The following CRTAP variants were observed in gnomAD, a reference collection of about 807,000 sequenced individuals.
CRTAP encodes the protein cartilage-associated protein.
In CRTAP, 33 loss-of-function variants were observed where a neutral mutation model predicts 42.7. That is an observed-to-expected ratio of 0.77 (90% confidence interval 0.59 to 1.03). The LOEUF is 1.03. Among genes scored for constraint, CRTAP ranks in the 50% least tolerant of loss-of-function variants. The pLI is 0.00. For synonymous variants in CRTAP, 243 were observed against 217.7 expected (o/e 1.12, Z -1.02); for missense variants, 613 against 533.9 (o/e 1.15, Z -1.46).
chr3:33,134,716 C>T (rs946305175), intron 6 of CRTAP, among the ~76,000 whole-genome samples: 2 of 152,204 alleles, frequency 1.3e-5, no homozygotes, highest in African/African-American at 4.8e-5. Context: ...CCACCTTACT[C>T]AGCTGACCCC....
Position 33,114,541 on chromosome 3 carries a change from A to T in CRTAP, c.464A>T (p.Tyr155Phe). The T allele has an allele frequency of 6.3e-7, 1 of 1,595,288 alleles. No homozygotes were observed. The highest frequency in any genetic ancestry group is 8.5e-7 in the Non-Finnish European group (1 of 1,172,610). Residue 155 changes from tyrosine to phenylalanine, a missense_variant, in exon 1 of 7, where the codon TAC (tyrosine) becomes TTC (phenylalanine). Transcript: ENST00000320954. The part of the protein sequence containing the change: ...REPYKFLQFA[Y>F]FKANNLPKAI... ...CCCTACAAGTTCCTGCAGTTCGCTTACTTCAAGGCAAGTCCGCCTCGCCCC... is the reference window on the plus strand; with the variant it reads ...CCCTACAAGTTCCTGCAGTTCGCTTTCTTCAAGGCAAGTCCGCCTCGCCCC...
rs1242728712 is a variant in CRTAP, at chr3:33,146,253, A to C, written c.*3805A>C. ...TTGTGGGAGCTTCCAGGCCTGCTCTAAGATGCCTTGCTTGTCCTTTGACCC... is the reference window on the plus strand; with the variant it reads ...TTGTGGGAGCTTCCAGGCCTGCTCTCAGATGCCTTGCTTGTCCTTTGACCC... On this transcript the variant is annotated 3_prime_UTR_variant, in exon 7 of 7. Transcript: ENST00000320954. 1 of 152,256 alleles carries C rather than the reference A, an allele frequency of 6.6e-6. No homozygotes were observed. Among genetic ancestry groups the C allele is most frequent in the Non-Finnish European group, 1.5e-5 (1 of 68,040 alleles). The allele number at this position is 152,256 out of a possible 1,614,324, so 9.4% of individuals were successfully genotyped here.
intron 6 of CRTAP, among the ~76,000 whole-genome samples, chr3:33,141,576 G>A (rs1041863345): frequency 6.6e-6 from 1 of 152,238 alleles, no homozygotes; most frequent in African/African-American, 2.4e-5. Flanking sequence ...GGTGAGCTCA[G>A]TGAAGGAGGT....
In CRTAP at chr3:33,142,599, C is replaced by T. The variant is rs189099513; in HGVS notation, c.*151C>T. ...CCCCGTCTCTCTAACTGCATGTCATCAGGGGTGAGCCTGCCTTTCCTATCT... is the reference window on the plus strand; with the variant it reads ...CCCCGTCTCTCTAACTGCATGTCATTAGGGGTGAGCCTGCCTTTCCTATCT... On this transcript the variant is annotated 3_prime_UTR_variant, in exon 7 of 7. Transcript: ENST00000320954. 4.4e-6 allele frequency: 3 copies of T among 682,706 alleles called. No homozygotes were observed. In the Admixed American group the frequency reaches 7.7e-5, roughly 17 times the overall value. 42.3% of individuals were successfully genotyped at this position (682,706 alleles called of 1,614,324 possible). A position where few individuals can be genotyped will look rare whatever the true frequency, so the allele number is the denominator to read the frequency against.
Position 33,114,524 on chromosome 3 carries a change from G to A in CRTAP, c.447G>A (p.Lys149=), listed in dbSNP as rs1173295342. ...LADFQRREPY[K]FLQFAYFKAN... ...ACTTCCAGCGCCGCGAGCCCTACAA[G>A]TTCCTGCAGTTCGCTTACTTCAAGG... Residue 149 remains lysine (K), a synonymous_variant, in exon 1 of 7, where the codon AAG becomes AAA. Transcript: ENST00000320954. 6.2e-6 allele frequency: 10 copies of A among 1,603,048 alleles called. No individual in the cohort carries two copies. Among genetic ancestry groups the A allele is most frequent in the Middle Eastern group, 4.4e-4 (2 of 4,594 alleles).
intron 3 of CRTAP, among the ~76,000 whole-genome samples, chr3:33,128,644 G>A (rs189622076): frequency 3.9e-5 from 6 of 152,280 alleles, no homozygotes; most frequent in East Asian, 1.9e-4. Flanking sequence ...GTATGGAGGC[G>A]TGTTTTCAGA....
At chr3:33,121,620 G>A (rs2029880632) in intron 2 of CRTAP, among the ~76,000 whole-genome samples, 1 of 152,084 alleles carries the variant, frequency 6.6e-6, no homozygotes, top group African/African-American at 2.4e-5. Flanking sequence ...GGGCTGGTGG[G>A]GTGCGCATAC....
At chr3:33,122,287 T>C (rs908128092) in intron 2 of CRTAP, among the ~76,000 whole-genome samples, 1 of 151,970 alleles carries the variant, frequency 6.6e-6, no homozygotes, top group African/African-American at 2.4e-5. Flanking sequence ...CTGCTGCTGC[T>C]GCCCCGCTGC....
chr3:33,134,653 A>G (rs2030370168), intron 6 of CRTAP, among the ~76,000 whole-genome samples: 1 of 152,222 alleles, frequency 6.6e-6, no homozygotes, highest in African/African-American at 2.4e-5. Context: ...TCTAAATTGC[A>G]TCTTTACTGT....
At chr3:33,129,624 A>G (rs1284359200) in intron 3 of CRTAP, among the ~76,000 whole-genome samples, 4 of 131,412 alleles carry the variant, frequency 3.0e-5, no homozygotes, top group South Asian at 4.6e-4. Flanking sequence ...TGCAAGCTCC[A>G]CCTTCCGGGT....
At chr3:33,141,289 G>C (rs1241400391) in intron 6 of CRTAP, among the ~76,000 whole-genome samples, 1 of 152,206 alleles carries the variant, frequency 6.6e-6, no homozygotes, top group Non-Finnish European at 1.5e-5. Context: ...CTAAGCAGAA[G>C]TCATAGCTAT....
At chr3:33,115,959 A>C (rs1288056588) in intron 1 of CRTAP, among the ~76,000 whole-genome samples, 1 of 152,250 alleles carries the variant, frequency 6.6e-6, no homozygotes, top group East Asian at 1.9e-4. Flanking sequence ...GCAGGGAATG[A>C]GATTAATAAA....
At chr3:33,129,535 CTTTTTTTTT>C (rs753545426) in intron 3 of CRTAP, among the ~76,000 whole-genome samples, 1 of 115,732 alleles carries the variant, frequency 8.6e-6, no homozygotes, top group Non-Finnish European at 1.8e-5. Flanking sequence ...TTTTCTTTTT[CTTTTTTTTT>C]TTTTTTTTTT....
At chr3:33,128,391 A>T (rs1420448329) in intron 3 of CRTAP, among the ~76,000 whole-genome samples, 1 of 152,202 alleles carries the variant, frequency 6.6e-6, no homozygotes, top group Non-Finnish European at 1.5e-5. Context: ...TTTTATGCCA[A>T]TGATATTTTT....
chr3:33,129,832 C>G (rs772001816), intron 3 of CRTAP, 107 bp from the exon 4 acceptor site: 3 of 1,172,204 alleles, frequency 2.6e-6, no homozygotes, highest in Non-Finnish European at 3.8e-6. Context: ...CCACCGCGCC[C>G]GGCCTGTAAA....
chr3:33,135,511 C>T (rs565293376), intron 6 of CRTAP, among the ~76,000 whole-genome samples: 1 of 151,850 alleles, frequency 6.6e-6, no homozygotes, highest in Non-Finnish European at 1.5e-5. Flanking sequence ...CACCCGTAGT[C>T]CTAGCTACTT....
chr3:33,140,257 T>C (rs1316056031), intron 6 of CRTAP, among the ~76,000 whole-genome samples: 1 of 152,226 alleles, frequency 6.6e-6, no homozygotes, highest in African/African-American at 2.4e-5. Flanking sequence ...AATCATCTAA[T>C]GAACACGCCA....
rs773532110 is a variant in CRTAP at position 33,142,608 on chromosome 3, G to A, written c.*160G>A. On this transcript the variant is annotated 3_prime_UTR_variant, in exon 7 of 7. Coordinates refer to ENST00000320954, the MANE Select transcript of CRTAP (RefSeq NM_006371.5). ...TCTAACTGCATGTCATCAGGGGTGA[G>A]CCTGCCTTTCCTATCTTCACACCTG... 3.8e-5 allele frequency: 25 copies of A among 652,098 alleles called. No individual in the cohort carries two copies. Among genetic ancestry groups the A allele is most frequent in the Non-Finnish European group, 6.4e-5 (24 of 374,946 alleles). The allele number at this position is 652,098 out of a possible 1,614,324, so 40.4% of individuals were successfully genotyped here.
chr3:33,139,406 G>A (rs1243565822), intron 6 of CRTAP, among the ~76,000 whole-genome samples: 3 of 152,056 alleles, frequency 2.0e-5, no homozygotes, highest in African/African-American at 7.2e-5. Flanking sequence ...GTGAAAGTAC[G>A]TTATTAGCTG....
Sources: gnomAD v4.1 joint callset for allele counts (sites outside exome capture counted in the v4.1 genomes callset) on GRCh38, gnomAD v4.1.1 for gene constraint, MANE v1.5 for transcripts, NCBI Gene and HGNC (gene_info 2026-07-23, HGNC 2026-07-21) for gene names.